Variants in PTGIS observed in about 807,000 individuals in gnomAD.
The protein encoded by PTGIS is prostacyclin synthase.
A neutral mutation model predicts 50.3 loss-of-function variants in PTGIS; 45 were observed. That is an observed-to-expected ratio of 0.90 (90% CI 0.70 to 1.15). The LOEUF (loss-of-function observed/expected upper bound fraction) is 1.15. Ranked by LOEUF, PTGIS falls within the 50% of genes most tolerant of loss-of-function variation. The pLI is 0.00. For missense variants in PTGIS, 668 were observed against 661.3 expected (o/e 1.01, Z -0.11); for synonymous variants, 260 against 267.7 (o/e 0.97, Z 0.28).
intron 1 of PTGIS, among the ~76,000 whole-genome samples, chr20:49,556,987 T>C (rs1193053947): frequency 6.6e-6 from 1 of 152,206 alleles, no homozygotes; most frequent in Non-Finnish European, 1.5e-5. Context: ...GCAATCTCTT[T>C]ATATGCAGAA....
chr20:49,524,240 C>T lies in PTGIS; in HGVS notation c.674-1G>A. On this transcript the variant is annotated splice_acceptor_variant, in intron 5 of 9. Coordinates refer to ENST00000244043, the MANE Select transcript of PTGIS (RefSeq NM_000961.4). LOFTEE classifies it high-confidence loss of function. ...ACACTGCACATGTGGTCCTTGTCCC[C>T]TGCAGGGACAGAGCACAGAGAGTAG... The T allele has an allele frequency of 1.2e-6, 2 of 1,613,968 alleles. No homozygotes were observed. The highest frequency in any genetic ancestry group is 2.2e-5 in the South Asian group (2 of 91,072).
chr20:49,514,017 T>C (rs965970921), intron 7 of PTGIS, among the ~76,000 whole-genome samples: 1 of 152,168 alleles, frequency 6.6e-6, no homozygotes, highest in African/African-American at 2.4e-5. Flanking sequence ...TTCACCTTAG[T>C]CAATTGAAGT....
intron 9 of PTGIS, among the ~76,000 whole-genome samples, chr20:49,508,950 C>T (rs1483330558): frequency 6.6e-6 from 1 of 152,224 alleles, no homozygotes; most frequent in African/African-American, 2.4e-5. Context: ...TTTCCCACCA[C>T]TATTCCCTAC....
intron 2 of PTGIS, 93 bp downstream of exon 2, chr20:49,549,973 G>T: frequency 6.3e-7 from 1 of 1,593,480 alleles, no homozygotes; most frequent in Non-Finnish European, 8.6e-7. Context: ...TGGGGGGGTT[G>T]GCATAGGGAC....
intron 7 of PTGIS, among the ~76,000 whole-genome samples, chr20:49,513,927 G>A (rs968045358): frequency 1.3e-5 from 2 of 152,208 alleles, no homozygotes; most frequent in Non-Finnish European, 2.9e-5. Context: ...TAGTCCTGAC[G>A]ACATTGTTAA....
chr20:49,543,514 C>T (rs918368807), intron 4 of PTGIS, among the ~76,000 whole-genome samples: 8 of 152,368 alleles, frequency 5.3e-5, no homozygotes, highest in African/African-American at 1.9e-4. Context: ...CTTCTGCCCA[C>T]TTCTCTGACC....
chr20:49,544,964 C>G (rs1474387731), intron 3 of PTGIS, among the ~76,000 whole-genome samples: 1 of 152,200 alleles, frequency 6.6e-6, no homozygotes, highest in Non-Finnish European at 1.5e-5. Flanking sequence ...TTCCCTGACT[C>G]AGGACTGCCA....
rs5614 is a variant in PTGIS at position 49,504,738 on chromosome 20, G to C, written c.*3182C>G. The C allele has an allele frequency of 6.6e-6, 1 of 151,136 alleles. No homozygotes were observed. The highest frequency in any genetic ancestry group is 2.4e-5 in the African/African-American group (1 of 41,104). The allele number at this position is 151,136 out of a possible 1,614,324, so 9.4% of individuals were successfully genotyped here. A position where few individuals can be genotyped will look rare whatever the true frequency, so the allele number is the denominator to read the frequency against. Reference sequence around the variant, plus strand: ...TTAAAAAGCGAGTCTGTTTAAAGGAGAATATTTGGTAAACAACAATATTAA... The same window carrying C: ...TTAAAAAGCGAGTCTGTTTAAAGGACAATATTTGGTAAACAACAATATTAA... On this transcript the variant is annotated 3_prime_UTR_variant, in exon 10 of 10. Transcript: ENST00000244043.
Position 49,539,723 on chromosome 20 carries a change from T to G in PTGIS, c.522-2A>C. On this transcript the variant is annotated splice_acceptor_variant, in intron 4 of 9. Transcript: ENST00000244043. LOFTEE classifies it high-confidence loss of function. ...CCGTAAAGAGTCAGGTAGCCGGCTC[T>G]GGGGGCGGCAGACAGAGGGTCAGGG... is the stretch of plus-strand genomic sequence containing the variant. The G allele has an allele frequency of 1.2e-6, 2 of 1,610,506 alleles. No individual in the cohort carries two copies. Among genetic ancestry groups the G allele is most frequent in the Non-Finnish European group, 1.7e-6 (2 of 1,179,664 alleles).
intron 4 of PTGIS, among the ~76,000 whole-genome samples, chr20:49,543,620 T>A (rs1271535650): frequency 6.6e-6 from 1 of 152,292 alleles, no homozygotes; most frequent in East Asian, 1.9e-4. Flanking sequence ...ACCTGCTGTT[T>A]CCCCTGCCTA....
At chr20:49,514,197 G>A (rs1341243082) in intron 7 of PTGIS, 30 bp downstream of exon 7, 1 of 1,611,384 alleles carries the variant, frequency 6.2e-7, no homozygotes, top group Non-Finnish European at 8.5e-7. Flanking sequence ...GCAGTCTTAG[G>A]GGCTATCTTG....
In PTGIS at chr20:49,514,322, C is replaced by A. The variant is rs150077993; in HGVS notation, c.929G>T (p.Arg310Leu). ...CCAAAGGATACTCTCGAGCTCTCCG[C>A]GGACAGCAGCCAGGGCTTCAGGATT... Reference protein sequence around the residue: ...LKNPEALAAVRGELESILWQA... With the variant: ...LKNPEALAAVLGELESILWQA... The change falls in exon 7 of 10, where the codon CGC (arginine) becomes CTC (leucine). Residue 310 changes from arginine (R) to leucine (L), a missense_variant. Physicochemically the swap from Arg to Leu is moderately radical, Grantham distance 102. Transcript: ENST00000244043. 5 of 1,614,106 alleles carry A rather than the reference C, an allele frequency of 3.1e-6. No homozygotes were observed. Among genetic ancestry groups the A allele is most frequent in the Non-Finnish European group, 4.2e-6 (5 of 1,180,034 alleles).
rs5629 is a variant in PTGIS, at chr20:49,513,169, G to A, written c.1117C>T (p.Arg373Ter). The change falls in exon 8 of 10, where the codon CGA (arginine) becomes TGA (stop). Residue 373 changes from arginine (R) to a stop codon, truncating the protein, a stop_gained. Transcript: ENST00000244043. LOFTEE classifies it high-confidence loss of function. The stretch of plus-strand genomic sequence containing the variant: ...TCACCACGTCGCAGGTTGAATTCTC[G>A]CCCGTCTGCCATGGGCATGGCCAGG... ...VDLAMPMADG[R>*]EFNLRRGDRL... 2.5e-6 allele frequency: 4 copies of A among 1,613,808 alleles called. No homozygotes were observed. Among genetic ancestry groups the A allele is most frequent in the Middle Eastern group, 1.6e-4 (1 of 6,084 alleles).
chr20:49,547,638 A>C lies in PTGIS; in HGVS notation c.377+203T>G, dbSNP rs10665940. On this transcript the variant is annotated intron_variant, in intron 3 of 9. Coordinates refer to ENST00000244043, the MANE Select transcript of PTGIS (RefSeq NM_000961.4). ...ACAAACAAACAAACAAACAAACAAA[A>C]AAACCCGCCAGAGATGAGAGACAAA... Among the ~76,000 whole-genome samples the C allele has an allele frequency of 0.053, 7,400 of 140,704 alleles. 220 individuals are homozygous for C. The highest frequency in any genetic ancestry group is 0.1 in the East Asian group (511 of 5,034). The allele number at this position is 140,704 out of a possible 152,430, so 92.3% of individuals were successfully genotyped here. A position where few individuals can be genotyped will look rare whatever the true frequency, so the allele number is the denominator to read the frequency against.
intron 1 of PTGIS, among the ~76,000 whole-genome samples, chr20:49,566,214 G>A (rs1342301866): frequency 6.6e-6 from 1 of 152,218 alleles, no homozygotes; most frequent in Non-Finnish European, 1.5e-5. Flanking sequence ...TGGGCAACAA[G>A]AGGGAAGATC....
chr20:49,521,095 T>A (rs1981641594), intron 6 of PTGIS, among the ~76,000 whole-genome samples: 1 of 152,228 alleles, frequency 6.6e-6, no homozygotes, highest in Non-Finnish European at 1.5e-5. Flanking sequence ...TCTAAATATT[T>A]GTTGAAGATG....
chr20:49,547,617 A>ACAAG lies in PTGIS; in HGVS notation c.377+223_377+224insCTTG, dbSNP rs547088416. On this transcript the variant is annotated intron_variant, in intron 3 of 9. Coordinates refer to ENST00000244043, the MANE Select transcript of PTGIS (RefSeq NM_000961.4). ...ATCAGGGCTGCCTCCAAACAAACAA[A>ACAAG]CAAACAAACAAACAAACAAAAAAAC... 3.2e-3 allele frequency among the ~76,000 whole-genome samples: 487 copies of ACAAG among 152,112 alleles called. 3 individuals are homozygous for ACAAG. Among genetic ancestry groups the ACAAG allele is most frequent in the African/African-American group, 0.011 (462 of 41,460 alleles).
At position 49,506,989 on chromosome 20, in the gene PTGIS, G is replaced by C. The variant is rs903047358; in HGVS notation, c.*931C>G. ...TCAAGAGAAGCTGGACATTTTGAATGAACTCTCCCAAAGATGATAACAACT... is the reference window on the plus strand; with the variant it reads ...TCAAGAGAAGCTGGACATTTTGAATCAACTCTCCCAAAGATGATAACAACT... On this transcript the variant is annotated 3_prime_UTR_variant, in exon 10 of 10. Transcript: ENST00000244043. 6.6e-6 allele frequency: 1 copy of C among 152,244 alleles called. No homozygotes were observed. The highest frequency in any genetic ancestry group is 2.4e-5 in the African/African-American group (1 of 41,466). 9.4% of individuals were successfully genotyped at this position (152,244 alleles called of 1,614,324 possible).
chr20:49,558,859 A>G (rs780759466), intron 1 of PTGIS, among the ~76,000 whole-genome samples: 3 of 152,068 alleles, frequency 2.0e-5, no homozygotes, highest in Non-Finnish European at 2.9e-5. Context: ...GATTACAGGA[A>G]TGAACAACCA....
Sources: gnomAD v4.1 joint callset for allele counts (sites outside exome capture counted in the v4.1 genomes callset) on GRCh38, gnomAD v4.1.1 for gene constraint, MANE v1.5 for transcripts, NCBI Gene and HGNC (gene_info 2026-07-23, HGNC 2026-07-21) for gene names.